The following XAF1 variants were observed in gnomAD, a reference collection of about 807,000 sequenced individuals.
The protein encoded by XAF1 is XIAP associated factor 1.
XAF1 carries 32 observed loss-of-function variants against 32.3 expected under a neutral mutation model. The ratio of observed to expected loss-of-function variants is 0.99; its 90% CI spans 0.75 to 1.33. XAF1 has a LOEUF of 1.33. XAF1 is among the 40% of genes most tolerant of loss of function. The pLI is 0.00. For missense variants in XAF1, 379 were observed against 366.0 expected, an observed-to-expected ratio of 1.04 and a Z score of -0.29; for synonymous variants, 120 against 125.9, an observed-to-expected ratio of 0.95 and a Z score of 0.31.
intron 5 of XAF1, among the ~76,000 whole-genome samples, chr17:6,767,284 C>T (rs1014027712): frequency 6.6e-5 from 10 of 152,070 alleles, no homozygotes; most frequent in Admixed American, 6.5e-4. Flanking sequence ...GTATTTACTC[C>T]CCAGATACAA....
At chr17:6,760,704 G>A in intron 4 of XAF1, 103 bp downstream of exon 4, 1 of 1,148,066 alleles carries the variant, frequency 8.7e-7, no homozygotes, top group Non-Finnish European at 1.2e-6. Context: ...GATGACAAGT[G>A]TATTTGCTGT....
At chr17:6,771,064 G>A in intron 6 of XAF1, 80 bp downstream of exon 6, 1 of 1,483,488 alleles carries the variant, frequency 6.7e-7, no homozygotes. Flanking sequence ...CCTGAAAGAT[G>A]TTCACAAATG....
At chr17:6,760,375 G>C in intron 3 of XAF1, 31 bp from the exon 4 acceptor site, 1 of 1,416,138 alleles carries the variant, frequency 7.1e-7, no homozygotes, top group Non-Finnish European at 9.7e-7. Flanking sequence ...AAAAGGGCCA[G>C]TGATCATGCC....
Position 6,770,902 on chromosome 17 carries a change from G to A in XAF1, c.767G>A (p.Gly256Glu), listed in dbSNP as rs1321178218. Residue 256 changes from glycine (G) to glutamate (E), a missense_variant, in exon 6 of 7, where the codon GGA (glycine) becomes GAA (glutamate). Coordinates refer to ENST00000361842, the MANE Select transcript of XAF1 (RefSeq NM_017523.5). ...AAGCCCAGGACCAGCTCCCCTAGAG[G>A]AGATAAAGCAGCCTATGACATTCTG... Reference protein sequence around the residue: ...EPKPRTSSPRGDKAAYDILRR... With the variant: ...EPKPRTSSPREDKAAYDILRR... 2 of 1,613,986 alleles carry A rather than the reference G, an allele frequency of 1.2e-6. No homozygotes were observed. The highest frequency in any genetic ancestry group is 1.3e-5 in the African/African-American group (1 of 74,892).
chr17:6,771,075 T>C (rs1260564177), intron 6 of XAF1, 91 bp downstream of exon 6: 4 of 1,456,716 alleles, frequency 2.7e-6, no homozygotes, highest in Admixed American at 2.1e-5. Flanking sequence ...TTCACAAATG[T>C]TGTGGCTGAA....
At chr17:6,768,895 T>C (rs1356879693) in intron 5 of XAF1, among the ~76,000 whole-genome samples, 1 of 152,178 alleles carries the variant, frequency 6.6e-6, no homozygotes, top group African/African-American at 2.4e-5. Context: ...AATATAAAGA[T>C]TTATGTCACT....
At chr17:6,759,274 G>A (rs766416133) in intron 2 of XAF1, 3 of 1,164,476 alleles carry the variant, frequency 2.6e-6, no homozygotes, top group Non-Finnish European at 3.2e-6. Context: ...ATCTGGCATA[G>A]GCAAGAGGTT....
chr17:6,775,535 T>C lies in XAF1; in HGVS notation c.*2366T>C, dbSNP rs1976361341. 1 of 152,202 alleles carries C rather than the reference T, an allele frequency of 6.6e-6. No individual in the cohort carries two copies. 9.4% of individuals were successfully genotyped at this position (152,202 alleles called of 1,614,324 possible). A position where few individuals can be genotyped will look rare whatever the true frequency, so the allele number is the denominator to read the frequency against. On this transcript the variant is annotated 3_prime_UTR_variant, in exon 7 of 7. Coordinates refer to ENST00000361842, the MANE Select transcript of XAF1 (RefSeq NM_017523.5). ...AACGGGAAAAAAGAAAGGTTCCAGT[T>C]TTGTCTGAAAATTCTGATTAAGCCT... is the stretch of plus-strand genomic sequence containing the variant.
At chr17:6,770,113 A>C (rs1283912777) in intron 5 of XAF1, among the ~76,000 whole-genome samples, 1 of 152,190 alleles carries the variant, frequency 6.6e-6, no homozygotes, top group Admixed American at 6.5e-5. Context: ...TAACCAGTCC[A>C]TTTGTGCTGC....
upstream of XAF1, chr17:6,755,860 C>A: frequency 7.3e-7 from 1 of 1,378,368 alleles, no homozygotes; most frequent in Non-Finnish European, 9.4e-7. Context: ...GTGACAGCAG[C>A]AAAGAATGAC....
chr17:6,760,246 G>A (rs957966453), intron 3 of XAF1, among the ~76,000 whole-genome samples, 160 bp from the exon 4 acceptor site: 4 of 151,490 alleles, frequency 2.6e-5, no homozygotes, highest in Non-Finnish European at 5.9e-5. Flanking sequence ...CACTTGGGAG[G>A]CTGAGGCAGG....
At chr17:6,767,759 T>TGCTGCTGC (rs1975722807) in intron 5 of XAF1, among the ~76,000 whole-genome samples, 1 of 152,210 alleles carries the variant, frequency 6.6e-6, no homozygotes, top group African/African-American at 2.4e-5. Flanking sequence ...CTGCTGCTGC[T>TGCTGCTGC]GCTGCTTGCT....
At chr17:6,759,334 T>C in intron 2 of XAF1, 1 of 1,297,830 alleles carries the variant, frequency 7.7e-7, no homozygotes, top group Non-Finnish European at 9.8e-7. Context: ...AAAGAGAGGA[T>C]GTGAAAAAGG....
chr17:6,761,752 T>C (rs888300606), intron 4 of XAF1: 1 of 1,029,630 alleles, frequency 9.7e-7, no homozygotes, highest in Non-Finnish European at 1.3e-6. Context: ...CAACACAGCT[T>C]CAACACTGTC....
Position 6,773,503 on chromosome 17 carries a change from T to C in XAF1, c.*334T>C, listed in dbSNP as rs1259121378. ...AAGCTGGAGCATTACTCTTGAGAAG[T>C]AGAACAAGGCACTTCAGTCCTATTC... On this transcript the variant is annotated 3_prime_UTR_variant, in exon 7 of 7. Coordinates refer to ENST00000361842, the MANE Select transcript of XAF1 (RefSeq NM_017523.5). The C allele has an allele frequency of 1.2e-5, 3 of 248,612 alleles. No individual in the cohort carries two copies. The highest frequency in any genetic ancestry group is 2.3e-5 in the Non-Finnish European group (3 of 130,742). 15.4% of individuals were successfully genotyped at this position (248,612 alleles called of 1,614,324 possible).
upstream of XAF1, chr17:6,755,856 G>A: frequency 7.3e-7 from 1 of 1,374,156 alleles, no homozygotes; most frequent in Non-Finnish European, 9.4e-7. Context: ...GGCTGTGACA[G>A]CAGCAAAGAA....
intron 5 of XAF1, among the ~76,000 whole-genome samples, chr17:6,770,086 G>C (rs552219734): frequency 6.6e-6 from 1 of 152,284 alleles, no homozygotes; most frequent in Non-Finnish European, 1.5e-5. Flanking sequence ...CCCATAAGCA[G>C]TGTCAACTCC....
At chr17:6,759,542 C>A in intron 2 of XAF1, 120 bp from the exon 3 acceptor site, 1 of 1,548,488 alleles carries the variant, frequency 6.5e-7, no homozygotes, top group South Asian at 1.2e-5. Flanking sequence ...GATCCCTGCC[C>A]TCTGGGAGTT....
intron 5 of XAF1, among the ~76,000 whole-genome samples, chr17:6,767,437 C>T (rs577115896): frequency 6.6e-6 from 1 of 152,084 alleles, no homozygotes; most frequent in Admixed American, 6.6e-5. Context: ...GCAAATATAT[C>T]GACAGCAATA....
Sources: allele counts gnomAD v4.1 joint callset (sites outside exome capture counted in the v4.1 genomes callset), GRCh38; gene constraint gnomAD v4.1.1; transcripts MANE v1.5; gene names NCBI Gene and HGNC (gene_info 2026-07-23, HGNC 2026-07-21).